Variants in KIAA0513 observed in about 807,000 individuals in gnomAD.
The protein encoded by KIAA0513 is KIAA0513.
KIAA0513 carries 39 observed loss-of-function variants against 56.5 expected under a neutral mutation model. The ratio of observed to expected loss-of-function variants is 0.69; its 90% confidence interval spans 0.53 to 0.90. The LOEUF (loss-of-function observed/expected upper bound fraction) is 0.90, where lower values mean the gene tolerates loss of function less well. Ranked by LOEUF, KIAA0513 falls within the 40% of genes least tolerant of loss-of-function variation. The pLI is 0.00. For synonymous variants in KIAA0513, 268 were observed against 215.6 expected, an observed-to-expected ratio of 1.24 and a Z score of -2.13; for missense variants, 591 against 535.2, an observed-to-expected ratio of 1.10 and a Z score of -1.03.
intron 1 of KIAA0513, among the ~76,000 whole-genome samples, chr16:85,051,401 A>C (rs1269560091): frequency 6.6e-6 from 1 of 152,236 alleles, no homozygotes; most frequent in Non-Finnish European, 1.5e-5. Flanking sequence ...TAAGCTTTAT[A>C]AAATGTTATC....
chr16:85,050,596 G>A (rs144221417), intron 1 of KIAA0513, among the ~76,000 whole-genome samples: 55 of 152,228 alleles, frequency 3.6e-4, no homozygotes, highest in African/African-American at 1.3e-3. Flanking sequence ...GATTACAGGC[G>A]TGAGCCGCCG....
intron 1 of KIAA0513, among the ~76,000 whole-genome samples, chr16:85,045,693 G>A (rs2073161614): frequency 6.6e-6 from 1 of 152,158 alleles, no homozygotes; most frequent in Admixed American, 6.5e-5. Context: ...TGGAATTCCT[G>A]GAACCGGGAT....
chr16:85,043,216 C>T (rs1036131231), intron 1 of KIAA0513, among the ~76,000 whole-genome samples: 2 of 152,034 alleles, frequency 1.3e-5, no homozygotes, highest in East Asian at 1.9e-4. Flanking sequence ...TAAAACAATT[C>T]GATTTACTAC....
intron 7 of KIAA0513, 118 bp from the exon 8 acceptor site, chr16:85,078,807 A>G (rs1410424507): frequency 1.5e-5 from 17 of 1,106,264 alleles, no homozygotes; most frequent in Middle Eastern, 2.0e-4. Context: ...TGGGGTTTGC[A>G]TCACGTGTTT....
At position 85,091,119 on chromosome 16, in the gene KIAA0513, G is replaced by A. The variant is rs573782035; in HGVS notation, c.*2794G>A. On this transcript the variant is annotated 3_prime_UTR_variant, in exon 13 of 13. Transcript: ENST00000683363. Reference sequence around the variant, plus strand: ...CAGCAGGCAGAATGCCCAAAACCAGGAGCACGAAGGCCTGTCATCCATGGG... The same window carrying A: ...CAGCAGGCAGAATGCCCAAAACCAGAAGCACGAAGGCCTGTCATCCATGGG... 6.6e-6 allele frequency: 1 copy of A among 152,372 alleles called. No homozygotes were observed. Among genetic ancestry groups the A allele is most frequent in the South Asian group, 2.1e-4 (1 of 4,824 alleles). 9.4% of individuals were successfully genotyped at this position (152,372 alleles called of 1,614,324 possible).
chr16:85,066,726 G>C lies in KIAA0513; in HGVS notation c.-172-174G>C, dbSNP rs72805407. On this transcript the variant is annotated intron_variant, in intron 1 of 12. Coordinates refer to ENST00000683363, the MANE Select transcript of KIAA0513 (RefSeq NM_001388359.1). Reference sequence around the variant, plus strand: ...TTCATTCATTTCACAAGTATTTATTGAGGACCTACCATGGACCAGGTGTTG... The same window carrying C: ...TTCATTCATTTCACAAGTATTTATTCAGGACCTACCATGGACCAGGTGTTG... 10,326 of 240,298 alleles carry C rather than the reference G, an allele frequency of 0.043. 254 individuals are homozygous for C. Among genetic ancestry groups the C allele is most frequent in the Non-Finnish European group, 0.053 (6,601 of 125,262 alleles). 14.9% of individuals were successfully genotyped at this position (240,298 alleles called of 1,614,324 possible).
chr16:85,045,152 A>C (rs2073154743), intron 1 of KIAA0513, among the ~76,000 whole-genome samples: 1 of 152,058 alleles, frequency 6.6e-6, no homozygotes, highest in Non-Finnish European at 1.5e-5. Context: ...AAAAAAAAGA[A>C]AGCATCTGTC....
intron 1 of KIAA0513, among the ~76,000 whole-genome samples, chr16:85,050,343 A>ATTTTTTTTTTT (rs1567527327): frequency 9.4e-6 from 1 of 106,016 alleles, no homozygotes; most frequent in Non-Finnish European, 1.9e-5. Flanking sequence ...TTATTTATTT[A>ATTTTTTTTTTT]TTTATTTATT....
At position 85,090,500 on chromosome 16, in the gene KIAA0513, C is replaced by G. The variant is rs1235031512; in HGVS notation, c.*2175C>G. 1 of 152,200 alleles carries G rather than the reference C, an allele frequency of 6.6e-6. No individual in the cohort carries two copies. Among genetic ancestry groups the G allele is most frequent in the African/African-American group, 2.4e-5 (1 of 41,454 alleles). 9.4% of individuals were successfully genotyped at this position (152,200 alleles called of 1,614,324 possible). On this transcript the variant is annotated 3_prime_UTR_variant, in exon 13 of 13. Transcript: ENST00000683363. ...CCTCTGGAAGGAAAGGCAGCGCTGACTTCGTTGGGCTTTTTTCCAAGCACT... is the reference window on the plus strand; with the variant it reads ...CCTCTGGAAGGAAAGGCAGCGCTGAGTTCGTTGGGCTTTTTTCCAAGCACT...
intron 12 of KIAA0513, among the ~76,000 whole-genome samples, chr16:85,087,744 G>A (rs931506137): frequency 2.0e-5 from 3 of 152,186 alleles, no homozygotes; most frequent in Admixed American, 2.0e-4. Flanking sequence ...ACTTAGGCGT[G>A]GGTACGGATT....
intron 2 of KIAA0513, among the ~76,000 whole-genome samples, chr16:85,070,797 A>G (rs2073562246): frequency 6.6e-6 from 1 of 152,230 alleles, no homozygotes; most frequent in African/African-American, 2.4e-5. Flanking sequence ...GCTTTCTCTG[A>G]GCACACGCTG....
At chr16:85,060,597 G>C (rs1306551775) in intron 1 of KIAA0513, among the ~76,000 whole-genome samples, 3 of 152,192 alleles carry the variant, frequency 2.0e-5, no homozygotes, top group African/African-American at 7.2e-5. Flanking sequence ...CCAGCACTTT[G>C]GGAGGCCAAG....
chr16:85,091,427 CTG>C lies in KIAA0513; in HGVS notation c.*3104_*3105del, dbSNP rs1171924646. On this transcript the variant is annotated 3_prime_UTR_variant, in exon 13 of 13. Transcript: ENST00000683363. ...TTCTCTGTAAGTGAAATGGGGTAGACTGTATGATTTTCCTATTGCCAAAAGAA... is the reference window on the plus strand; with the variant it reads ...TTCTCTGTAAGTGAAATGGGGTAGACTATGATTTTCCTATTGCCAAAAGAA... 2.6e-5 allele frequency: 4 copies of C among 152,166 alleles called. No homozygotes were observed. Among genetic ancestry groups the C allele is most frequent in the African/African-American group, 7.2e-5 (3 of 41,430 alleles). The allele number at this position is 152,166 out of a possible 1,614,324, so 9.4% of individuals were successfully genotyped here. A position where few individuals can be genotyped will look rare whatever the true frequency, so the allele number is the denominator to read the frequency against.
At chr16:85,086,022 C>T (rs963850443) in intron 10 of KIAA0513, among the ~76,000 whole-genome samples, 3 of 152,194 alleles carry the variant, frequency 2.0e-5, no homozygotes, top group East Asian at 1.9e-4. Flanking sequence ...TTGAGGGCCT[C>T]GAGAAAGCCA....
rs559515685 is a variant in KIAA0513 at position 85,048,485 on chromosome 16, A to ATC, written c.-172-18397_-172-18396dup. Among the ~76,000 whole-genome samples the ATC allele has an allele frequency of 3.8e-3, 576 of 150,242 alleles. 3 individuals carry two copies. Among genetic ancestry groups the ATC allele is most frequent in the African/African-American group, 9.2e-3 (378 of 41,138 alleles). ...TAAAGAATTTAGTGTCTCAAAGCAG[A>ATC]TCTCTCTCTCTCTCTCTCTTTCTCT... On this transcript the variant is annotated intron_variant, in intron 1 of 12. Coordinates refer to ENST00000683363, the MANE Select transcript of KIAA0513 (RefSeq NM_001388359.1).
intron 1 of KIAA0513, among the ~76,000 whole-genome samples, chr16:85,053,476 A>T (rs1230461040): frequency 6.6e-6 from 1 of 152,204 alleles, no homozygotes; most frequent in Non-Finnish European, 1.5e-5. Flanking sequence ...AATAATTAAT[A>T]GGGTGTAAGG....
At chr16:85,053,244 C>T (rs1219172311) in intron 1 of KIAA0513, among the ~76,000 whole-genome samples, 1 of 152,172 alleles carries the variant, frequency 6.6e-6, no homozygotes, top group Non-Finnish European at 1.5e-5. Flanking sequence ...GGAAGGCAGA[C>T]ACCATGTTGT....
intron 1 of KIAA0513, among the ~76,000 whole-genome samples, chr16:85,059,567 C>T (rs753338043): frequency 6.6e-6 from 1 of 152,228 alleles, no homozygotes; most frequent in Non-Finnish European, 1.5e-5. Flanking sequence ...GGTCCCCGCA[C>T]ACACCCCTCT....
At position 85,090,901 on chromosome 16, in the gene KIAA0513, C is replaced by T. The variant is rs566634577; in HGVS notation, c.*2576C>T. The T allele has an allele frequency of 9.8e-5, 15 of 152,586 alleles. No homozygotes were observed. The highest frequency in any genetic ancestry group is 3.6e-4 in the African/African-American group (15 of 41,600). The allele number at this position is 152,586 out of a possible 1,614,324, so 9.5% of individuals were successfully genotyped here. A position where few individuals can be genotyped will look rare whatever the true frequency, so the allele number is the denominator to read the frequency against. On this transcript the variant is annotated 3_prime_UTR_variant, in exon 13 of 13. Transcript: ENST00000683363. ...CAAGGTTTCCTCTCTTCCCCCAGGA[C>T]CTGGGCAGAGCAGGCATGAGCTGGG...
Sources: allele counts gnomAD v4.1 joint callset (sites outside exome capture counted in the v4.1 genomes callset), GRCh38; gene constraint gnomAD v4.1.1; transcripts MANE v1.5; gene names NCBI Gene and HGNC (gene_info 2026-07-23, HGNC 2026-07-21).